The following CADPS variants were observed in gnomAD, a reference collection of about 807,000 sequenced individuals.
CADPS encodes the protein calcium-dependent secretion activator 1.
Under a neutral mutation model 167.3 loss-of-function variants are expected in CADPS, and 57 were observed. The observed-to-expected ratio is 0.34, with a 90% confidence interval of 0.28 to 0.42. The LOEUF (loss-of-function observed/expected upper bound fraction) is 0.42, where lower values mean the gene tolerates loss of function less well. CADPS is among the 20% of genes least tolerant of loss of function. The probability of loss-of-function intolerance (pLI) is 1.00; values close to 1 mark genes in which losing one functional copy is unlikely to be tolerated. For synonymous variants in CADPS, 676 were observed against 635.3 expected (o/e 1.06, Z -0.96); for missense variants, 1,414 against 1,738.1 (o/e 0.81, Z 3.32).
chr3:62,734,506 C>T (rs2078592953), intron 3 of CADPS, among the ~76,000 whole-genome samples: 1 of 152,072 alleles, frequency 6.6e-6, no homozygotes, highest in Admixed American at 6.6e-5. Context: ...ATTTCTATTG[C>T]CATAGATTAG....
chr3:62,845,809 A>G (rs1036818823), intron 1 of CADPS, among the ~76,000 whole-genome samples: 2 of 151,996 alleles, frequency 1.3e-5, no homozygotes, highest in Non-Finnish European at 2.9e-5. Flanking sequence ...TTTCTTCCCC[A>G]TTTGACATGT....
In CADPS at chr3:62,820,616, T is replaced by C. The variant is rs544271463; in HGVS notation, c.441+53973A>G. 7.2e-5 allele frequency among the ~76,000 whole-genome samples: 11 copies of C among 152,280 alleles called. No individual in the cohort carries two copies. In the East Asian group the frequency reaches 2.1e-3, roughly 29 times the overall value. ...TTGTCTCTAGCACCTAGTTTAGGCCTGGCATTAATAACAATACTATCTGAA... is the reference window on the plus strand; with the variant it reads ...TTGTCTCTAGCACCTAGTTTAGGCCCGGCATTAATAACAATACTATCTGAA... On this transcript the variant is annotated intron_variant, in intron 1 of 29. Coordinates refer to ENST00000383710, the MANE Select transcript of CADPS (RefSeq NM_003716.4).
At chr3:62,561,081 A>AG (rs2079073789) in intron 9 of CADPS, among the ~76,000 whole-genome samples, 1 of 150,142 alleles carries the variant, frequency 6.7e-6, no homozygotes, top group African/African-American at 2.5e-5. Flanking sequence ...TCCATCTCAA[A>AG]AAAAAAAAAA....
At chr3:62,628,345 C>A (rs1387913068) in intron 6 of CADPS, among the ~76,000 whole-genome samples, 1 of 152,076 alleles carries the variant, frequency 6.6e-6, no homozygotes, top group African/African-American at 2.4e-5. Flanking sequence ...AGAAAAAAAG[C>A]TTATAAAAGT....
intron 6 of CADPS, among the ~76,000 whole-genome samples, chr3:62,595,862 A>G (rs1195928445): frequency 6.6e-6 from 1 of 152,048 alleles, no homozygotes; most frequent in African/African-American, 2.4e-5. Context: ...CAGCGAATAT[A>G]AAGCAGGCAG....
chr3:62,780,256 C>A (rs963787619), intron 1 of CADPS, among the ~76,000 whole-genome samples: 10 of 151,962 alleles, frequency 6.6e-5, no homozygotes, highest in Admixed American at 6.6e-5. Flanking sequence ...TACCTCAAAA[C>A]TTTTTCAAAA....
At chr3:62,658,946 T>C (rs2072448341) in intron 4 of CADPS, among the ~76,000 whole-genome samples, 1 of 152,188 alleles carries the variant, frequency 6.6e-6, no homozygotes, top group Admixed American at 6.5e-5. Context: ...CTGATCACTC[T>C]GCAGGCCCTG....
intron 12 of CADPS, among the ~76,000 whole-genome samples, chr3:62,533,470 A>G (rs2074116015): frequency 6.6e-6 from 1 of 152,194 alleles, no homozygotes. Flanking sequence ...AATGCTCTAC[A>G]TTGATATAGA....
At chr3:62,805,028 T>C (rs76750870) in intron 1 of CADPS, among the ~76,000 whole-genome samples, 172 of 152,252 alleles carry the variant, frequency 1.1e-3, no homozygotes, top group Non-Finnish European at 2.1e-3. Flanking sequence ...CTCGGAGCTA[T>C]TGACATTTAG....
intron 26 of CADPS, among the ~76,000 whole-genome samples, chr3:62,462,374 T>A (rs916516747): frequency 2.6e-5 from 4 of 152,204 alleles, no homozygotes; most frequent in African/African-American, 9.6e-5. Context: ...GAGGAAGCAA[T>A]GCAGATGGAG....
chr3:62,510,108 C>T (rs569548511), intron 17 of CADPS, among the ~76,000 whole-genome samples: 1 of 152,192 alleles, frequency 6.6e-6, no homozygotes, highest in South Asian at 2.1e-4. Flanking sequence ...ATCATTCATC[C>T]ATCCACCCAC....
At chr3:62,755,870 T>C (rs2083772261) in intron 2 of CADPS, among the ~76,000 whole-genome samples, 2 of 152,144 alleles carry the variant, frequency 1.3e-5, no homozygotes, top group African/African-American at 4.8e-5. Flanking sequence ...TTTCTCCATC[T>C]AACCAACACA....
intron 17 of CADPS, among the ~76,000 whole-genome samples, chr3:62,503,519 C>T (rs903714153): frequency 6.6e-5 from 10 of 152,132 alleles, no homozygotes; most frequent in African/African-American, 9.7e-5. Context: ...GATGAAGGGC[C>T]GTTATTAGTT....
At chr3:62,643,963 A>G (rs991448810) in intron 6 of CADPS, among the ~76,000 whole-genome samples, 1 of 152,200 alleles carries the variant, frequency 6.6e-6, no homozygotes, top group Non-Finnish European at 1.5e-5. Context: ...CTTGGTTGTA[A>G]AAAAAGGGAG....
intron 9 of CADPS, among the ~76,000 whole-genome samples, chr3:62,559,047 T>C (rs2078689329): frequency 6.6e-6 from 1 of 152,226 alleles, no homozygotes; most frequent in African/African-American, 2.4e-5. Flanking sequence ...TGTATTTACC[T>C]GCATCTTATT....
At chr3:62,404,285 A>T (rs549528257) in intron 28 of CADPS, 1 of 152,640 alleles carries the variant, frequency 6.6e-6, no homozygotes. Flanking sequence ...ACGCTAACCA[A>T]TACACACGCA....
chr3:62,799,489 A>G (rs772241018), intron 1 of CADPS, among the ~76,000 whole-genome samples: 16 of 152,172 alleles, frequency 1.1e-4, no homozygotes, highest in Non-Finnish European at 1.8e-4. Context: ...ATTTTTAAAT[A>G]ACTTGTTTCC....
intron 3 of CADPS, among the ~76,000 whole-genome samples, chr3:62,738,397 C>A (rs578079566): frequency 4.6e-5 from 7 of 151,382 alleles, no homozygotes; most frequent in African/African-American, 1.7e-4. Flanking sequence ...CTTTTGCTAA[C>A]AATCTCTGAA....
intron 13 of CADPS, among the ~76,000 whole-genome samples, chr3:62,522,109 C>CTATT (rs1319293041): frequency 1.1e-4 from 17 of 150,382 alleles, no homozygotes; most frequent in African/African-American, 3.9e-4. Flanking sequence ...ATCTATCTAT[C>CTATT]TATCTATCTA....
Sources: allele counts gnomAD v4.1 joint callset (sites outside exome capture counted in the v4.1 genomes callset), GRCh38; gene constraint gnomAD v4.1.1; transcripts MANE v1.5; gene names NCBI Gene and HGNC (gene_info 2026-07-23, HGNC 2026-07-21).